The following ATF7IP2 variants were observed in gnomAD, a reference collection of about 807,000 sequenced individuals.
ATF7IP2 encodes the protein activating transcription factor 7-interacting protein 2.
A neutral mutation model predicts 64.2 loss-of-function variants in ATF7IP2; 42 were observed. The observed-to-expected ratio is 0.65, with a 90% CI of 0.51 to 0.85. ATF7IP2 has a LOEUF of 0.85. Ranked by LOEUF, ATF7IP2 falls within the 40% of genes least tolerant of loss-of-function variation. The pLI is 0.00. For synonymous variants in ATF7IP2, 308 were observed against 272.8 expected, an observed-to-expected ratio of 1.13 and a Z score of -1.27; for missense variants, 933 against 784.2, an observed-to-expected ratio of 1.19 and a Z score of -2.27.
intron 13 of ATF7IP2, among the ~76,000 whole-genome samples, chr16:10,481,239 G>A (rs530267555): frequency 3.3e-4 from 51 of 152,264 alleles, no homozygotes; most frequent in African/African-American, 1.2e-3. Flanking sequence ...CTCATATACT[G>A]TCACTTTTTG....
intron 6 of ATF7IP2, among the ~76,000 whole-genome samples, chr16:10,436,218 T>C (rs757382340): frequency 2.6e-5 from 4 of 152,084 alleles, no homozygotes; most frequent in Non-Finnish European, 4.4e-5. Context: ...AAAAATTAGC[T>C]GGACATGGTG....
intron 1 of ATF7IP2, 126 bp from the exon 2 acceptor site, chr16:10,414,448 C>G (rs2047829114): frequency 6.6e-6 from 1 of 151,954 alleles, no homozygotes; most frequent in African/African-American, 2.4e-5. Flanking sequence ...TTTATGCTAT[C>G]TATTTCACTG....
At chr16:10,435,910 C>G (rs1418693244) in intron 6 of ATF7IP2, among the ~76,000 whole-genome samples, 3 of 152,156 alleles carry the variant, frequency 2.0e-5, no homozygotes, top group African/African-American at 4.8e-5. Flanking sequence ...TAGAGAAACA[C>G]TGTACAAAAC....
intron 2 of ATF7IP2, among the ~76,000 whole-genome samples, chr16:10,415,603 G>T (rs2047856866): frequency 6.6e-6 from 1 of 152,138 alleles, no homozygotes; most frequent in Admixed American, 6.5e-5. Context: ...ATGAAAAATG[G>T]ACAAATTGGA....
At chr16:10,388,695 AG>A (rs2047257503) in intron 1 of ATF7IP2, among the ~76,000 whole-genome samples, 1 of 152,188 alleles carries the variant, frequency 6.6e-6, no homozygotes, top group African/African-American at 2.4e-5. Flanking sequence ...ACTGTAAGAA[AG>A]GCATGTCACT....
chr16:10,449,922 G>T (rs922536509), intron 8 of ATF7IP2, among the ~76,000 whole-genome samples: 2 of 152,136 alleles, frequency 1.3e-5, no homozygotes, highest in African/African-American at 4.8e-5. Flanking sequence ...ATGTTAGGGT[G>T]TCGATTTTAG....
At chr16:10,426,124 T>C (rs534773357) in intron 3 of ATF7IP2, among the ~76,000 whole-genome samples, 12 of 152,346 alleles carry the variant, frequency 7.9e-5, no homozygotes, top group African/African-American at 2.9e-4. Context: ...AAATTATAAA[T>C]GACTTGAGAA....
chr16:10,474,602 G>A (rs1289269792), intron 12 of ATF7IP2, among the ~76,000 whole-genome samples: 1 of 152,134 alleles, frequency 6.6e-6, no homozygotes, highest in Admixed American at 6.6e-5. Flanking sequence ...GGAAAAAGAA[G>A]TGAAATACAG....
chr16:10,432,013 AT>A (rs1201475764), intron 5 of ATF7IP2, among the ~76,000 whole-genome samples: 1 of 74,684 alleles, frequency 1.3e-5, no homozygotes, highest in Non-Finnish European at 2.8e-5. Flanking sequence ...TTTTTTTTGT[AT>A]TTTTAGTAGA....
intron 3 of ATF7IP2, among the ~76,000 whole-genome samples, chr16:10,426,080 G>A (rs1214889550): frequency 6.6e-6 from 1 of 152,184 alleles, no homozygotes; most frequent in Admixed American, 6.5e-5. Context: ...CTCTTTCTAT[G>A]TGCTAAAATA....
At chr16:10,411,052 C>G (rs1428495091) in intron 1 of ATF7IP2, among the ~76,000 whole-genome samples, 1 of 152,144 alleles carries the variant, frequency 6.6e-6, no homozygotes, top group African/African-American at 2.4e-5. Flanking sequence ...CCCTGTATTT[C>G]TGGTATGAAA....
chr16:10,457,080 A>G (rs2049194526), intron 8 of ATF7IP2, among the ~76,000 whole-genome samples: 1 of 152,148 alleles, frequency 6.6e-6, no homozygotes, highest in Non-Finnish European at 1.5e-5. Flanking sequence ...TTAGTTCCTA[A>G]AAGTTAGTCT....
chr16:10,464,562 A>T (rs563454349), intron 9 of ATF7IP2, among the ~76,000 whole-genome samples: 29 of 152,384 alleles, frequency 1.9e-4, no homozygotes, highest in African/African-American at 7.0e-4. Flanking sequence ...AACTTGCTTA[A>T]GTTGGAAGGA....
At chr16:10,479,773 C>G (rs1429643346) in intron 12 of ATF7IP2, among the ~76,000 whole-genome samples, 1 of 151,838 alleles carries the variant, frequency 6.6e-6, no homozygotes, top group African/African-American at 2.4e-5. Flanking sequence ...GAATGCAAAT[C>G]AAAACCACAA....
At chr16:10,453,465 C>G (rs1474896580) in intron 8 of ATF7IP2, among the ~76,000 whole-genome samples, 7 of 152,170 alleles carry the variant, frequency 4.6e-5, no homozygotes, top group Non-Finnish European at 1.0e-4. Context: ...GTTAGAAATG[C>G]AGAAATCACC....
chr16:10,418,754 C>T (rs1176867487), intron 2 of ATF7IP2, among the ~76,000 whole-genome samples: 2 of 152,078 alleles, frequency 1.3e-5, no homozygotes, highest in African/African-American at 4.8e-5. Flanking sequence ...TATTCTGTCC[C>T]AAATTTTGAT....
chr16:10,478,331 G>A (rs1433786794), intron 12 of ATF7IP2, among the ~76,000 whole-genome samples: 2 of 151,842 alleles, frequency 1.3e-5, no homozygotes, highest in Admixed American at 6.6e-5. Context: ...ACAGAACAGA[G>A]CCCTCAGAAA....
chr16:10,404,809 C>G (rs2047603777), intron 1 of ATF7IP2, among the ~76,000 whole-genome samples: 1 of 152,090 alleles, frequency 6.6e-6, no homozygotes, highest in Admixed American at 6.5e-5. Context: ...TCCCAAGGTG[C>G]TGGTATTACA....
intron 1 of ATF7IP2, among the ~76,000 whole-genome samples, chr16:10,406,656 A>C (rs1188915641): frequency 6.6e-6 from 1 of 152,186 alleles, no homozygotes. Context: ...TAAATTGGAA[A>C]ATCTAGAGGA....
Sources: allele counts gnomAD v4.1 joint callset (sites outside exome capture counted in the v4.1 genomes callset), GRCh38; gene constraint gnomAD v4.1.1; transcripts MANE v1.5; gene names NCBI Gene and HGNC (gene_info 2026-07-23, HGNC 2026-07-21).